The following CAMKMT variants were observed in gnomAD, a reference collection of about 807,000 sequenced individuals.
CAMKMT encodes CaM KMT.
A neutral mutation model predicts 48.0 loss-of-function variants in CAMKMT; 53 were observed. That is an observed-to-expected ratio of 1.10 (90% CI 0.89 to 1.39). CAMKMT has a LOEUF of 1.39. Ranked by LOEUF, CAMKMT falls within the 40% of genes most tolerant of loss-of-function variation. The pLI is 0.00. For missense variants in CAMKMT, 428 were observed against 402.7 expected (o/e 1.06, Z -0.54); for synonymous variants, 165 against 152.3 (o/e 1.08, Z -0.61).
At chr2:44,530,428 AG>A (rs1487698988) in intron 3 of CAMKMT, among the ~76,000 whole-genome samples, 2 of 152,216 alleles carry the variant, frequency 1.3e-5, no homozygotes. Context: ...AAGAATTTTT[AG>A]ATATTCATTT....
chr2:44,455,445 T>C (rs1667513773), intron 3 of CAMKMT, among the ~76,000 whole-genome samples: 1 of 152,196 alleles, frequency 6.6e-6, no homozygotes, highest in South Asian at 2.1e-4. Context: ...GAAAATGGGA[T>C]ATGGCAGTGG....
chr2:44,402,862 A>G (rs1446780017), intron 3 of CAMKMT, among the ~76,000 whole-genome samples: 4 of 138,374 alleles, frequency 2.9e-5, no homozygotes, highest in Non-Finnish European at 4.7e-5. Context: ...TTTTTCCCCC[A>G]TAGCATTCTT....
At chr2:44,395,241 A>T (rs1264687095) in intron 3 of CAMKMT, among the ~76,000 whole-genome samples, 1 of 152,146 alleles carries the variant, frequency 6.6e-6, no homozygotes, top group Admixed American at 6.5e-5. Flanking sequence ...TCAAATAAAG[A>T]TGTCTATATA....
At chr2:44,650,866 G>C (rs192270853) in intron 3 of CAMKMT, among the ~76,000 whole-genome samples, 2 of 151,158 alleles carry the variant, frequency 1.3e-5, no homozygotes, top group African/African-American at 4.9e-5. Context: ...AAAAAAAACA[G>C]TGGGAAATGA....
chr2:44,531,596 T>C (rs1303364966), intron 3 of CAMKMT, among the ~76,000 whole-genome samples: 1 of 152,170 alleles, frequency 6.6e-6, no homozygotes, highest in Non-Finnish European at 1.5e-5. Flanking sequence ...TGGTCATGTA[T>C]CCCTTTTTTC....
intron 3 of CAMKMT, among the ~76,000 whole-genome samples, chr2:44,474,446 CAAAAAAA>C (rs1222971931): frequency 1.7e-5 from 1 of 58,032 alleles, no homozygotes; most frequent in African/African-American, 6.5e-5. Flanking sequence ...GACTCCGTCT[CAAAAAAA>C]AAAAAAAAAA....
chr2:44,592,143 G>A (rs551286078), intron 3 of CAMKMT, among the ~76,000 whole-genome samples: 25 of 152,062 alleles, frequency 1.6e-4, no homozygotes, highest in Non-Finnish European at 3.4e-4. Flanking sequence ...CAGCACACCA[G>A]CATGGCACAT....
chr2:44,496,138 A>G (rs377582499), intron 3 of CAMKMT, among the ~76,000 whole-genome samples: 7 of 152,290 alleles, frequency 4.6e-5, no homozygotes, highest in African/African-American at 1.7e-4. Context: ...CCTCAGTACA[A>G]TTTTACACTG....
At chr2:44,678,776 T>C (rs1488976874) in intron 3 of CAMKMT, among the ~76,000 whole-genome samples, 12 of 152,214 alleles carry the variant, frequency 7.9e-5, no homozygotes, top group Admixed American at 7.8e-4. Context: ...CCTTCTCATC[T>C]TTTCTCAGTC....
intron 3 of CAMKMT, among the ~76,000 whole-genome samples, chr2:44,485,342 A>G (rs1352510027): frequency 6.6e-6 from 1 of 152,234 alleles, no homozygotes. Context: ...TTATTCATAT[A>G]ATGGAATATT....
At chr2:44,542,975 A>C (rs2103621031) in intron 3 of CAMKMT, among the ~76,000 whole-genome samples, 1 of 152,314 alleles carries the variant, frequency 6.6e-6, no homozygotes, top group East Asian at 1.9e-4. Context: ...AGCTTTTAAC[A>C]GTTATACTTA....
intron 3 of CAMKMT, among the ~76,000 whole-genome samples, chr2:44,538,958 CTG>C (rs57970764): frequency 0.12 from 17,246 of 139,936 alleles, 1,120 homozygotes; most frequent in East Asian, 0.25. Flanking sequence ...GTGTGTGTGT[CTG>C]TGTGTGTGTG....
At chr2:44,410,651 C>G (rs185193671) in intron 3 of CAMKMT, among the ~76,000 whole-genome samples, 1 of 152,122 alleles carries the variant, frequency 6.6e-6, no homozygotes, top group Admixed American at 6.5e-5. Context: ...CTAATTAATT[C>G]AAAGCAATAT....
chr2:44,528,509 C>G (rs1264402762), intron 3 of CAMKMT, among the ~76,000 whole-genome samples: 1 of 152,118 alleles, frequency 6.6e-6, no homozygotes, highest in Non-Finnish European at 1.5e-5. Context: ...AAAAGATACA[C>G]TTTAAGAGAA....
intron 3 of CAMKMT, among the ~76,000 whole-genome samples, chr2:44,490,506 C>T (rs1669442789): frequency 6.6e-6 from 1 of 152,122 alleles, no homozygotes; most frequent in Non-Finnish European, 1.5e-5. Context: ...AACTCCCGAC[C>T]TCAGGTGATC....
intron 3 of CAMKMT, among the ~76,000 whole-genome samples, chr2:44,673,182 T>C (rs945838498): frequency 6.6e-6 from 1 of 151,896 alleles, no homozygotes; most frequent in African/African-American, 2.4e-5. Flanking sequence ...TCCCAGCATT[T>C]TGGGAGGCTG....
At chr2:44,621,759 G>A (rs1006710274) in intron 3 of CAMKMT, among the ~76,000 whole-genome samples, 1 of 152,162 alleles carries the variant, frequency 6.6e-6, no homozygotes, top group Non-Finnish European at 1.5e-5. Flanking sequence ...GCTATTGGGG[G>A]TTTTAACCAA....
intron 7 of CAMKMT, among the ~76,000 whole-genome samples, chr2:44,737,738 TTCTCTCTCTCTCTCTTTCTC>T (rs932398049): frequency 2.0e-5 from 3 of 150,706 alleles, no homozygotes; most frequent in African/African-American, 4.9e-5. Flanking sequence ...ATCTCCAGAG[TTCTCTCTCTCTCTCTTTCTC>T]TCTCTCTCTC....
At chr2:44,490,916 G>A (rs1475679349) in intron 3 of CAMKMT, among the ~76,000 whole-genome samples, 4 of 152,078 alleles carry the variant, frequency 2.6e-5, no homozygotes, top group Admixed American at 1.3e-4. Flanking sequence ...TTGGGAGTCC[G>A]AGGTGGGTGA....
Sources: gnomAD v4.1 joint callset for allele counts (sites outside exome capture counted in the v4.1 genomes callset) on GRCh38, gnomAD v4.1.1 for gene constraint, MANE v1.5 for transcripts, NCBI Gene and HGNC (gene_info 2026-07-23, HGNC 2026-07-21) for gene names.